GALNTL6: variants seen among roughly 807,000 people sequenced by gnomAD.
The protein encoded by GALNTL6 is polypeptide N-acetylgalactosaminyltransferase-like 6.
GALNTL6 carries 46 observed loss-of-function variants against 73.7 expected under a neutral mutation model. The ratio of observed to expected loss-of-function variants is 0.62; its 90% CI spans 0.49 to 0.80. The LOEUF is 0.80. Ranked by LOEUF, GALNTL6 falls within the 30% of genes least tolerant of loss-of-function variation. The pLI, the probability that GALNTL6 is intolerant of heterozygous loss-of-function variation, is 0.00. For missense variants in GALNTL6, 604 were observed against 755.0 expected (o/e 0.80, Z 2.34); for synonymous variants, 259 against 263.7 (o/e 0.98, Z 0.17).
chr4:172,476,955 T>G, intron 5 of GALNTL6, among the ~76,000 whole-genome samples: 1 of 147,142 alleles, frequency 6.8e-6, no homozygotes. Context: ...GACAGAGTCT[T>G]GCTCTGTCGC....
intron 12 of GALNTL6, among the ~76,000 whole-genome samples, chr4:173,022,053 AGG>A: frequency 8.1e-6 from 1 of 123,016 alleles, no homozygotes; most frequent in African/African-American, 3.1e-5. Context: ...GAAGGAAGGA[AGG>A]AAGGAAGGAA....
At chr4:172,267,316 T>G (rs1318721400) in intron 3 of GALNTL6, among the ~76,000 whole-genome samples, 1 of 152,098 alleles carries the variant, frequency 6.6e-6, no homozygotes, top group Admixed American at 6.6e-5. Flanking sequence ...GTGAAGTAGA[T>G]TTAAGGAGAA....
Position 172,336,744 on chromosome 4 carries a change from G to A in GALNTL6, c.387-11779G>A, listed in dbSNP as rs182779379. 8.1e-4 allele frequency among the ~76,000 whole-genome samples: 123 copies of A among 152,182 alleles called. 2 individuals are homozygous for A. In the South Asian group the frequency reaches 0.016, roughly 19 times the overall value. On this transcript the variant is annotated intron_variant, in intron 4 of 12. Coordinates refer to ENST00000506823, the MANE Select transcript of GALNTL6 (RefSeq NM_001034845.3). The stretch of plus-strand genomic sequence containing the variant: ...GTGGTTGATTGGTGGAGTACTCTGG[G>A]GATGTATATCAAGTACAGTTTATCA...
intron 5 of GALNTL6, among the ~76,000 whole-genome samples, chr4:172,621,269 G>A (rs1738941101): frequency 6.6e-6 from 1 of 152,132 alleles, no homozygotes; most frequent in East Asian, 1.9e-4. Context: ...TGCCCAGGCT[G>A]TTCTCAAACT....
At chr4:171,873,596 T>A (rs1736194297) in intron 2 of GALNTL6, among the ~76,000 whole-genome samples, 1 of 152,178 alleles carries the variant, frequency 6.6e-6, no homozygotes, top group African/African-American at 2.4e-5. Context: ...CTGAAAACTG[T>A]ATTTCTTCTT....
At chr4:172,283,825 A>G (rs1305261319) in intron 3 of GALNTL6, among the ~76,000 whole-genome samples, 3 of 152,170 alleles carry the variant, frequency 2.0e-5, no homozygotes, top group Admixed American at 6.6e-5. Context: ...TTCACCTATT[A>G]CACATTTTAT....
chr4:172,917,962 T>C (rs1246940711), intron 8 of GALNTL6, among the ~76,000 whole-genome samples: 1 of 152,174 alleles, frequency 6.6e-6, no homozygotes, highest in Non-Finnish European at 1.5e-5. Flanking sequence ...ATGTTTATTG[T>C]GGCACTATTC....
chr4:172,055,599 G>C (rs778916687), intron 2 of GALNTL6, among the ~76,000 whole-genome samples: 3 of 152,090 alleles, frequency 2.0e-5, no homozygotes, highest in Non-Finnish European at 4.4e-5. Context: ...GAAGTCCAGA[G>C]CAAATCCAAA....
At chr4:172,651,817 C>T (rs1740488155) in intron 5 of GALNTL6, among the ~76,000 whole-genome samples, 1 of 152,168 alleles carries the variant, frequency 6.6e-6, no homozygotes. Flanking sequence ...TCAATCTTGT[C>T]ACTGAATAGA....
chr4:172,686,446 C>T (rs1425936580), intron 5 of GALNTL6, among the ~76,000 whole-genome samples: 1 of 150,984 alleles, frequency 6.6e-6, no homozygotes. Context: ...TAACCTTTTT[C>T]TCCAAAGGAA....
intron 2 of GALNTL6, among the ~76,000 whole-genome samples, chr4:172,043,338 T>C (rs1052625970): frequency 3.3e-5 from 5 of 152,046 alleles, no homozygotes; most frequent in Middle Eastern, 3.4e-3. Flanking sequence ...TTTAAGGCCA[T>C]GGCACAGAGA....
intron 2 of GALNTL6, among the ~76,000 whole-genome samples, chr4:172,163,606 A>G (rs989318242): frequency 1.3e-5 from 2 of 152,018 alleles, no homozygotes; most frequent in East Asian, 1.9e-4. Flanking sequence ...AGTTGCTTGT[A>G]TATTTCTAGG....
intron 7 of GALNTL6, among the ~76,000 whole-genome samples, chr4:172,861,301 G>A (rs1478355766): frequency 6.8e-6 from 1 of 147,744 alleles, no homozygotes; most frequent in East Asian, 2.1e-4. Context: ...GGTGTTGTCT[G>A]GCTTGGTTTT....
chr4:172,219,222 T>TATAA (rs1483226525), intron 2 of GALNTL6, among the ~76,000 whole-genome samples: 2 of 141,884 alleles, frequency 1.4e-5, no homozygotes, highest in Admixed American at 7.1e-5. Context: ...TATATATATA[T>TATAA]AATCCTTCTG....
At chr4:172,575,728 G>A (rs1156763759) in intron 5 of GALNTL6, among the ~76,000 whole-genome samples, 1 of 152,086 alleles carries the variant, frequency 6.6e-6, no homozygotes, top group African/African-American at 2.4e-5. Flanking sequence ...TTTCTGAAAT[G>A]GATTTCCAGC....
intron 5 of GALNTL6, among the ~76,000 whole-genome samples, chr4:172,387,291 C>A (rs1417433770): frequency 6.6e-6 from 1 of 152,102 alleles, no homozygotes; most frequent in Non-Finnish European, 1.5e-5. Flanking sequence ...ATTGTCTTTT[C>A]ATTTCAGCCT....
Position 172,575,231 on chromosome 4 carries a change from A to C in GALNTL6, c.553+226542A>C, listed in dbSNP as rs1433047462. Among the ~76,000 whole-genome samples the C allele has an allele frequency of 2.6e-5, 4 of 151,576 alleles. No homozygotes were observed. In the South Asian group the frequency reaches 6.2e-4, roughly 24 times the overall value. ...TGTAACTAAATTCAGCATAATCTCT[A>C]CTCCTTTTATTTTCCAGTCTTTATT... On this transcript the variant is annotated intron_variant, in intron 5 of 12. Coordinates refer to ENST00000506823, the MANE Select transcript of GALNTL6 (RefSeq NM_001034845.3).
At chr4:172,989,986 A>T (rs4563475) in intron 10 of GALNTL6, among the ~76,000 whole-genome samples, 148,499 of 152,280 alleles carry the variant, frequency 0.98, 72,550 homozygotes, top group Middle Eastern at 1. Flanking sequence ...TTGGATGAAT[A>T]TCTCTCCTCT....
At chr4:172,480,893 C>A (rs1162158614) in intron 5 of GALNTL6, among the ~76,000 whole-genome samples, 2 of 152,092 alleles carry the variant, frequency 1.3e-5, no homozygotes, top group African/African-American at 4.8e-5. Flanking sequence ...GGAAGGGGTG[C>A]ATGAAAAAGG....
Sources: gnomAD v4.1 joint callset for allele counts (sites outside exome capture counted in the v4.1 genomes callset) on GRCh38, gnomAD v4.1.1 for gene constraint, MANE v1.5 for transcripts, NCBI Gene and HGNC (gene_info 2026-07-23, HGNC 2026-07-21) for gene names.